AGAP4: variants seen among roughly 807,000 people sequenced by gnomAD.
AGAP4 encodes the protein arf-GAP with GTPase, ANK repeat and PH domain-containing protein 4.
Under a neutral mutation model 60.7 loss-of-function variants are expected in AGAP4, and 13 were observed. The ratio of observed to expected loss-of-function variants is 0.21; its 90% CI spans 0.14 to 0.34. The LOEUF is 0.34. AGAP4 is among the 10% of genes least tolerant of loss of function. The pLI, the probability that AGAP4 is intolerant of heterozygous loss-of-function variation, is 1.00. For missense variants in AGAP4, 169 were observed against 884.0 expected (o/e 0.19, Z 10.26); for synonymous variants, 70 against 339.0 (o/e 0.21, Z 8.72).
At chr10:45,845,535 T>C (rs1163481198) in intron 2 of AGAP4, among the ~76,000 whole-genome samples, 1 of 113,794 alleles carries the variant, frequency 8.8e-6, no homozygotes, top group Admixed American at 8.1e-5. Context: ...CTAATTGTTT[T>C]CTCTTTTCTA....
intron 4 of AGAP4, among the ~76,000 whole-genome samples, chr10:45,839,652 C>A (rs2058885489): frequency 8.8e-6 from 1 of 113,768 alleles, no homozygotes; most frequent in African/African-American, 3.4e-5. Flanking sequence ...ACTGAGGTCT[C>A]CCAAATGAAA....
intron 3 of AGAP4, 57 bp from the exon 4 acceptor site, chr10:45,841,744 G>C (rs2058922386): frequency 1.6e-6 from 1 of 626,066 alleles, no homozygotes; most frequent in Admixed American, 3.4e-5. Flanking sequence ...TAAAATAAAA[G>C]TAGTTGTTAA....
chr10:45,848,553 T>G (rs1294654455), upstream of AGAP4, among the ~76,000 whole-genome samples: 6 of 151,574 alleles, frequency 4.0e-5, no homozygotes, highest in Non-Finnish European at 7.4e-5. Flanking sequence ...CAATCTCATG[T>G]TACAGATTTT....
chr10:45,849,466 T>G (rs1268462447), upstream of AGAP4, among the ~76,000 whole-genome samples: 1 of 136,470 alleles, frequency 7.3e-6, no homozygotes. Context: ...TAGATGATGA[T>G]GATGATGATT....
chr10:45,853,685 C>T, exon 1 of AGAP4: 1 of 1,287,750 alleles, frequency 7.8e-7, no homozygotes, highest in Non-Finnish European at 1.0e-6. Flanking sequence ...TCCAGAAGCC[C>T]TTTGGATGTT....
At chr10:45,837,359 G>GA (rs1222991001) in intron 4 of AGAP4, among the ~76,000 whole-genome samples, 2 of 150,970 alleles carry the variant, frequency 1.3e-5, no homozygotes, top group Non-Finnish European at 1.5e-5. Flanking sequence ...CACAGAACTA[G>GA]AAAAAACAAT....
At chr10:45,852,801 T>C (rs2059100968) in intron 1 of AGAP4, among the ~76,000 whole-genome samples, 1 of 152,124 alleles carries the variant, frequency 6.6e-6, no homozygotes, top group East Asian at 1.9e-4. Context: ...TCTGCATTAA[T>C]AGTGTCTGAA....
upstream of AGAP4, among the ~76,000 whole-genome samples, chr10:45,851,338 G>A (rs2059081440): frequency 6.6e-6 from 1 of 152,002 alleles, no homozygotes; most frequent in African/African-American, 2.4e-5. Flanking sequence ...GAAAGGAGAT[G>A]ATGCCTTCTT....
intron 1 of AGAP4, chr10:45,853,639 C>T (rs1419053673): frequency 9.3e-6 from 12 of 1,286,450 alleles, no homozygotes; most frequent in Admixed American, 7.0e-5. Flanking sequence ...AGCCATGGAT[C>T]GGGAGACCAA....
intron 1 of AGAP4, among the ~76,000 whole-genome samples, 181 bp downstream of exon 1, chr10:45,846,944 G>A (rs1320087215): frequency 5.9e-5 from 9 of 151,534 alleles, no homozygotes; most frequent in South Asian, 2.1e-4. Flanking sequence ...GACTGGACTC[G>A]GTGGGGAAAT....
upstream of AGAP4, chr10:45,847,631 A>G: frequency 7.2e-7 from 1 of 1,392,764 alleles, no homozygotes; most frequent in East Asian, 2.7e-5. Context: ...TGAACCCAAC[A>G]AGTGCTGAGA....
Position 45,846,995 on chromosome 10 carries a change from C to T in AGAP4, c.223+130G>A, listed in dbSNP as rs1590040606. ...TTCAAGGCAGAGCCAGCTTTTGTTC[C>T]TGGCCAGCTCCCGGGAAAGCTGGCT... On this transcript the variant is annotated intron_variant, in intron 1 of 7. Transcript: ENST00000616763. 3 of 1,596,412 alleles carry T rather than the reference C, an allele frequency of 1.9e-6. No homozygotes were observed. In the East Asian group the frequency reaches 6.7e-5, roughly 36 times the overall value.
upstream of AGAP4, among the ~76,000 whole-genome samples, chr10:45,852,196 C>T: frequency 1.4e-5 from 2 of 142,372 alleles, no homozygotes; most frequent in Non-Finnish European, 3.0e-5. Flanking sequence ...CAGGCGTGAG[C>T]CACTGCACCC....
intron 2 of AGAP4, among the ~76,000 whole-genome samples, chr10:45,844,700 C>A (rs1216983823): frequency 1.6e-3 from 229 of 142,806 alleles, no homozygotes; most frequent in African/African-American, 5.9e-3. Flanking sequence ...TAAATTTTGG[C>A]TTTGAGTTGT....
chr10:45,832,365 G>C (rs1247494633), intron 5 of AGAP4, among the ~76,000 whole-genome samples: 3 of 149,828 alleles, frequency 2.0e-5, no homozygotes, highest in Admixed American at 6.7e-5. Flanking sequence ...CACCAAATTG[G>C]AGCAGTTTCT....
chr10:45,832,442 T>G lies in AGAP4; in HGVS notation c.498-1013A>C, dbSNP rs1326517080. Among the ~76,000 whole-genome samples the G allele has an allele frequency of 3.4e-4, 50 of 149,144 alleles. 2 individuals carry two copies. The highest frequency in any genetic ancestry group is 1.1e-3 in the African/African-American group (44 of 40,670). ...GCACATTAAAATCGCCTGAGAAGCT[T>G]TAATATCTGCCTCATCTTCCACATG... On this transcript the variant is annotated intron_variant, in intron 5 of 7. Coordinates refer to ENST00000616763, the MANE Select transcript of AGAP4 (RefSeq NM_001276343.3).
chr10:45,834,690 A>AAAAC, intron 4 of AGAP4, among the ~76,000 whole-genome samples: 1 of 126,264 alleles, frequency 7.9e-6, no homozygotes, highest in South Asian at 2.6e-4. Flanking sequence ...AAAAAAAAAA[A>AAAAC]AAAAAAAAGA....
intron 3 of AGAP4, among the ~76,000 whole-genome samples, chr10:45,843,059 G>C (rs1369439536): frequency 2.3e-5 from 2 of 87,314 alleles, no homozygotes; most frequent in Non-Finnish European, 4.6e-5. Flanking sequence ...CACTTTGGGA[G>C]GCTGAAGCGG....
upstream of AGAP4, chr10:45,847,577 C>G (rs1409647527): frequency 1.4e-6 from 2 of 1,436,714 alleles, no homozygotes; most frequent in Non-Finnish European, 1.8e-6. Context: ...CCTGAGTTGA[C>G]TTGTCTGGGA....
Sources: allele counts gnomAD v4.1 joint callset (sites outside exome capture counted in the v4.1 genomes callset), GRCh38; gene constraint gnomAD v4.1.1; transcripts MANE v1.5; gene names NCBI Gene and HGNC (gene_info 2026-07-23, HGNC 2026-07-21).